Variants in FSTL5 observed in about 807,000 individuals in gnomAD.
The protein encoded by FSTL5 is follistatin like 5.
FSTL5 carries 62 observed loss-of-function variants against 89.1 expected under a neutral mutation model. The observed-to-expected ratio is 0.70, with a 90% CI of 0.57 to 0.86. The LOEUF (loss-of-function observed/expected upper bound fraction) is 0.86. FSTL5 is among the 40% of genes least tolerant of loss of function. FSTL5 has a pLI of 0.00. For synonymous variants in FSTL5, 383 were observed against 346.2 expected, an observed-to-expected ratio of 1.11 and a Z score of -1.18; for missense variants, 1,057 against 1,001.6, an observed-to-expected ratio of 1.06 and a Z score of -0.75.
chr4:161,941,247 G>A (rs188201273), intron 3 of FSTL5, among the ~76,000 whole-genome samples: 28 of 151,772 alleles, frequency 1.8e-4, no homozygotes, highest in African/African-American at 6.5e-4. Flanking sequence ...GAAAACTGAA[G>A]AACAAAAATA....
intron 2 of FSTL5, among the ~76,000 whole-genome samples, chr4:162,048,296 T>C (rs1738265649): frequency 6.6e-6 from 1 of 152,046 alleles, no homozygotes; most frequent in Admixed American, 6.6e-5. Flanking sequence ...CACTGCACTC[T>C]AGACTCCAGC....
chr4:161,860,911 TCTCA>T (rs1448641510), intron 4 of FSTL5, among the ~76,000 whole-genome samples: 1 of 151,808 alleles, frequency 6.6e-6, no homozygotes, highest in Non-Finnish European at 1.5e-5. Flanking sequence ...CCCCTCTCTC[TCTCA>T]CACACACACA....
intron 15 of FSTL5, among the ~76,000 whole-genome samples, chr4:161,412,341 C>A (rs1731620278): frequency 6.6e-6 from 1 of 151,804 alleles, no homozygotes; most frequent in African/African-American, 2.4e-5. Flanking sequence ...ATAAACTAAC[C>A]TAAAATTCAT....
At chr4:161,716,890 G>T (rs951081040) in intron 6 of FSTL5, among the ~76,000 whole-genome samples, 2 of 152,090 alleles carry the variant, frequency 1.3e-5, no homozygotes, top group African/African-American at 4.8e-5. Flanking sequence ...TTTTATCCAG[G>T]TCAGGGCAGA....
chr4:161,814,021 T>C (rs1350530556), intron 4 of FSTL5, among the ~76,000 whole-genome samples: 1 of 150,288 alleles, frequency 6.7e-6, no homozygotes, highest in Non-Finnish European at 1.5e-5. Flanking sequence ...AGTGAATCAG[T>C]AAGGAAAAAG....
At chr4:161,740,077 T>C (rs1739960323) in intron 6 of FSTL5, among the ~76,000 whole-genome samples, 1 of 151,996 alleles carries the variant, frequency 6.6e-6, no homozygotes, top group African/African-American at 2.4e-5. Context: ...TGCAGTGCAA[T>C]GGCACAATCT....
At chr4:161,474,370 C>T (rs1381846884) in intron 13 of FSTL5, among the ~76,000 whole-genome samples, 3 of 152,006 alleles carry the variant, frequency 2.0e-5, no homozygotes, top group Non-Finnish European at 4.4e-5. Context: ...ATCAAAGTTA[C>T]AATAATAATA....
chr4:162,033,892 A>G (rs1737633267), intron 2 of FSTL5, among the ~76,000 whole-genome samples: 1 of 152,110 alleles, frequency 6.6e-6, no homozygotes, highest in Non-Finnish European at 1.5e-5. Context: ...TCAACCTCGC[A>G]GACTCAAGTG....
intron 8 of FSTL5, 54 bp downstream of exon 8, chr4:161,587,401 C>T: frequency 6.3e-7 from 1 of 1,578,524 alleles, no homozygotes; most frequent in Admixed American, 1.7e-5. Flanking sequence ...GCTTCACTTC[C>T]TAGTAAACTA....
intron 4 of FSTL5, among the ~76,000 whole-genome samples, chr4:161,920,119 C>A (rs1733950569): frequency 6.6e-6 from 1 of 152,156 alleles, no homozygotes; most frequent in Non-Finnish European, 1.5e-5. Context: ...ATTGGCCACC[C>A]TGTGTCCCTA....
chr4:161,421,048 G>A (rs1258569841), intron 15 of FSTL5, among the ~76,000 whole-genome samples: 4 of 152,016 alleles, frequency 2.6e-5, no homozygotes, highest in Non-Finnish European at 5.9e-5. Flanking sequence ...TATAAAGAAA[G>A]TACTCAGTAG....
chr4:161,991,680 A>G (rs1736115377), intron 3 of FSTL5, among the ~76,000 whole-genome samples: 1 of 152,118 alleles, frequency 6.6e-6, no homozygotes, highest in Non-Finnish European at 1.5e-5. Context: ...CAGTTTCCAC[A>G]GGGCCAACTG....
chr4:161,432,295 CAA>C (rs1432583024), intron 15 of FSTL5, among the ~76,000 whole-genome samples: 3 of 151,930 alleles, frequency 2.0e-5, no homozygotes, highest in Admixed American at 6.6e-5. Flanking sequence ...AAATCAGTAA[CAA>C]GAGGAATTTT....
intron 4 of FSTL5, among the ~76,000 whole-genome samples, chr4:161,875,599 C>T (rs1004438734): frequency 4.6e-5 from 7 of 152,148 alleles, no homozygotes; most frequent in Non-Finnish European, 7.4e-5. Context: ...CGGGTCCGCT[C>T]GCACACTGTG....
chr4:161,820,208 T>C (rs1730449137), intron 4 of FSTL5, among the ~76,000 whole-genome samples: 1 of 152,154 alleles, frequency 6.6e-6, no homozygotes. Context: ...TAAGCTCGAA[T>C]GTATTATTGG....
chr4:161,503,494 T>G (rs1730372068), intron 11 of FSTL5, among the ~76,000 whole-genome samples: 1 of 151,950 alleles, frequency 6.6e-6, no homozygotes, highest in Admixed American at 6.6e-5. Context: ...GCATGTGTGA[T>G]ACACATGTGT....
chr4:161,682,422 G>GACAAAC (rs1737556569), intron 6 of FSTL5, among the ~76,000 whole-genome samples: 1 of 152,070 alleles, frequency 6.6e-6, no homozygotes, highest in Non-Finnish European at 1.5e-5. Context: ...CAACTTAAAA[G>GACAAAC]ACAAACACAT....
chr4:161,828,939 T>A (rs1313496141), intron 4 of FSTL5, among the ~76,000 whole-genome samples: 1 of 151,986 alleles, frequency 6.6e-6, no homozygotes, highest in African/African-American at 2.4e-5. Flanking sequence ...AGAAGTTTTT[T>A]TCCAAGGCTA....
chr4:162,126,335 C>T (rs1732079848), intron 1 of FSTL5, among the ~76,000 whole-genome samples: 1 of 152,010 alleles, frequency 6.6e-6, no homozygotes, highest in Non-Finnish European at 1.5e-5. Flanking sequence ...TTATTAAAAT[C>T]TTAGATATGT....
Sources: gnomAD v4.1 joint callset for allele counts (sites outside exome capture counted in the v4.1 genomes callset) on GRCh38, gnomAD v4.1.1 for gene constraint, MANE v1.5 for transcripts, NCBI Gene and HGNC (gene_info 2026-07-23, HGNC 2026-07-21) for gene names.